ZBTB20: variants seen among roughly 807,000 people sequenced by gnomAD.
ZBTB20 encodes zinc finger and BTB domain containing 20.
ZBTB20 carries 9 observed loss-of-function variants against 56.9 expected under a neutral mutation model. The observed-to-expected ratio is 0.16, with a 90% CI of 0.10 to 0.28. The LOEUF is 0.28. ZBTB20 is among the 10% of genes least tolerant of loss of function. The probability of loss-of-function intolerance (pLI) is 1.00; values close to 1 mark genes in which losing one functional copy is unlikely to be tolerated. For synonymous variants in ZBTB20, 417 were observed against 420.7 expected (o/e 0.99, Z 0.11); for missense variants, 655 against 1,003.0 (o/e 0.65, Z 4.69).
intron 1 of ZBTB20, among the ~76,000 whole-genome samples, chr3:115,078,595 A>ATGAG (rs1553890804): frequency 2.3e-5 from 3 of 130,608 alleles, no homozygotes; most frequent in Non-Finnish European, 4.8e-5. Context: ...CAGTAAGAAT[A>ATGAG]TGTGTGTGTG....
At chr3:114,765,742 T>C (rs1289995) in intron 5 of ZBTB20, among the ~76,000 whole-genome samples, 146,297 of 152,310 alleles carry the variant, frequency 0.96, 70,564 homozygotes, top group East Asian at 1. Flanking sequence ...ATAAGATTCA[T>C]TGCAGAAAAC....
chr3:114,808,949 A>C (rs1053611694), intron 4 of ZBTB20, among the ~76,000 whole-genome samples: 2 of 152,140 alleles, frequency 1.3e-5, no homozygotes, highest in African/African-American at 4.8e-5. Context: ...ATTTTGCTAA[A>C]TATAAAATTC....
chr3:114,925,362 C>G (rs1249112379), intron 3 of ZBTB20, among the ~76,000 whole-genome samples: 1 of 152,090 alleles, frequency 6.6e-6, no homozygotes, highest in Non-Finnish European at 1.5e-5. Flanking sequence ...TCCCTTTCAT[C>G]TCTTAAAGCG....
intron 2 of ZBTB20, among the ~76,000 whole-genome samples, chr3:114,983,137 C>A (rs998662333): frequency 6.6e-6 from 1 of 151,764 alleles, no homozygotes; most frequent in Non-Finnish European, 1.5e-5. Context: ...ACTGTCTCAC[C>A]CAATGAAATA....
At chr3:114,528,449 T>C (rs555272772) in intron 6 of ZBTB20, among the ~76,000 whole-genome samples, 3 of 151,996 alleles carry the variant, frequency 2.0e-5, no homozygotes, top group Non-Finnish European at 4.4e-5. Flanking sequence ...CAAAAAAAAA[T>C]TTTTCCTAAA....
chr3:114,787,588 AG>A (rs2070650542), intron 5 of ZBTB20, among the ~76,000 whole-genome samples: 2 of 151,976 alleles, frequency 1.3e-5, no homozygotes, highest in South Asian at 4.2e-4. Flanking sequence ...GGATGGATAA[AG>A]GAAGAAGTTC....
intron 3 of ZBTB20, among the ~76,000 whole-genome samples, chr3:114,965,891 T>C (rs983965642): frequency 6.6e-6 from 1 of 152,186 alleles, no homozygotes; most frequent in Non-Finnish European, 1.5e-5. Context: ...GAGTTCCTTA[T>C]ATATTTTGGA....
chr3:114,582,829 G>C (rs2054794116), intron 6 of ZBTB20, among the ~76,000 whole-genome samples: 1 of 152,180 alleles, frequency 6.6e-6, no homozygotes, highest in African/African-American at 2.4e-5. Context: ...GCACTTCACA[G>C]CCAAACATGC....
At chr3:114,483,150 A>G (rs2041736354) in intron 7 of ZBTB20, among the ~76,000 whole-genome samples, 1 of 152,110 alleles carries the variant, frequency 6.6e-6, no homozygotes. Context: ...ACATAAGTCT[A>G]TTTTTACTTT....
chr3:114,903,318 G>A (rs1257420399), intron 3 of ZBTB20, among the ~76,000 whole-genome samples: 2 of 152,074 alleles, frequency 1.3e-5, no homozygotes, highest in Non-Finnish European at 2.9e-5. Context: ...AAAGGAACTA[G>A]CACAGTGCCA....
intron 3 of ZBTB20, among the ~76,000 whole-genome samples, chr3:114,921,372 C>T (rs145412047): frequency 2.0e-5 from 3 of 152,278 alleles, no homozygotes; most frequent in African/African-American, 7.2e-5. Flanking sequence ...ATCTGCATGT[C>T]TCAGCCTCCC....
At chr3:114,809,741 G>A (rs1348519184) in intron 4 of ZBTB20, among the ~76,000 whole-genome samples, 2 of 151,866 alleles carry the variant, frequency 1.3e-5, no homozygotes, top group South Asian at 2.1e-4. Flanking sequence ...AATTGGGTAT[G>A]AGTCACACTC....
At chr3:115,062,183 G>A (rs148104169) in intron 2 of ZBTB20, among the ~76,000 whole-genome samples, 1 of 152,248 alleles carries the variant, frequency 6.6e-6, no homozygotes, top group Admixed American at 6.5e-5. Flanking sequence ...ATCAGAAACA[G>A]GGAAGCAGAG....
At chr3:114,978,332 T>C (rs1303750972) in intron 2 of ZBTB20, among the ~76,000 whole-genome samples, 1 of 149,184 alleles carries the variant, frequency 6.7e-6, no homozygotes, top group Non-Finnish European at 1.5e-5. Flanking sequence ...TTAATTCTAA[T>C]ACCTATAAGT....
chr3:114,605,049 T>C (rs944419339), intron 6 of ZBTB20, among the ~76,000 whole-genome samples: 3 of 152,054 alleles, frequency 2.0e-5, no homozygotes, highest in Admixed American at 6.6e-5. Context: ...ACTTAGGCGA[T>C]GTACTCAGTA....
chr3:114,789,385 G>A (rs1273766440), intron 5 of ZBTB20, among the ~76,000 whole-genome samples: 1 of 152,134 alleles, frequency 6.6e-6, no homozygotes, highest in African/African-American at 2.4e-5. Context: ...GATGAAACAG[G>A]AGTTGGGTTC....
chr3:114,577,274 A>T (rs1267850774), intron 6 of ZBTB20, among the ~76,000 whole-genome samples: 1 of 149,880 alleles, frequency 6.7e-6, no homozygotes, highest in Non-Finnish European at 1.5e-5. Flanking sequence ...AAAAAAAAAG[A>T]AAAAAATAGA....
At chr3:114,577,985 T>C (rs2054269363) in intron 6 of ZBTB20, among the ~76,000 whole-genome samples, 1 of 152,166 alleles carries the variant, frequency 6.6e-6, no homozygotes, top group Non-Finnish European at 1.5e-5. Context: ...ATTGTAACAT[T>C]CACTCCAGAT....
In ZBTB20 at chr3:114,758,208, T is replaced by C. The variant is rs377647723; in HGVS notation, c.-343+42893A>G. On this transcript the variant is annotated intron_variant, in intron 5 of 11. Transcript: ENST00000675478. ...TTGTAAGAGTATCTCTGTTTCTTAA[T>C]GTCTATATTTTATACATGGAATTAA... Among the ~76,000 whole-genome samples, 9 of 152,266 alleles carry C rather than the reference T, an allele frequency of 5.9e-5. No individual in the cohort carries two copies. In the South Asian group the frequency reaches 6.2e-4, roughly 11 times the overall value.
Sources: allele counts gnomAD v4.1 joint callset (sites outside exome capture counted in the v4.1 genomes callset), GRCh38; gene constraint gnomAD v4.1.1; transcripts MANE v1.5; gene names NCBI Gene and HGNC (gene_info 2026-07-23, HGNC 2026-07-21).